The following SPOCK1 variants were observed in gnomAD, a reference collection of about 807,000 sequenced individuals.
The protein encoded by SPOCK1 is SPARC (osteonectin), cwcv and kazal like domains proteoglycan 1, also known as testican-1.
Under a neutral mutation model 55.3 loss-of-function variants are expected in SPOCK1, and 23 were observed. The ratio of observed to expected loss-of-function variants is 0.42; its 90% CI spans 0.30 to 0.59. SPOCK1 has a LOEUF of 0.59. Ranked by LOEUF, SPOCK1 falls within the 20% of genes least tolerant of loss-of-function variation. SPOCK1 has a pLI of 0.22. For synonymous variants in SPOCK1, 226 were observed against 221.0 expected, an observed-to-expected ratio of 1.02 and a Z score of -0.20; for missense variants, 499 against 552.5, an observed-to-expected ratio of 0.90 and a Z score of 0.97.
chr5:137,002,560 A>C (rs1751172208), intron 6 of SPOCK1, among the ~76,000 whole-genome samples: 1 of 152,158 alleles, frequency 6.6e-6, no homozygotes, highest in African/African-American at 2.4e-5. Context: ...CTCCCTAGCC[A>C]GTGGGTCAGC....
chr5:136,979,529 G>A, intron 9 of SPOCK1, 60 bp from the exon 10 acceptor site: 1 of 1,582,942 alleles, frequency 6.3e-7, no homozygotes, highest in Non-Finnish European at 8.6e-7. Context: ...CGGGGTTAAT[G>A]CCCGTCAACA....
At chr5:137,352,109 C>G (rs926435319) in intron 2 of SPOCK1, among the ~76,000 whole-genome samples, 3 of 152,194 alleles carry the variant, frequency 2.0e-5, no homozygotes, top group Admixed American at 1.3e-4. Flanking sequence ...TCTCTTCCCC[C>G]TCATGAGTAA....
intron 3 of SPOCK1, among the ~76,000 whole-genome samples, chr5:137,149,179 C>T (rs187753433): frequency 2.8e-4 from 43 of 152,224 alleles, no homozygotes; most frequent in Middle Eastern, 3.4e-3. Context: ...TGGTTCCTTC[C>T]GTGAGGGGTT....
chr5:137,466,045 A>G (rs1394080432), intron 2 of SPOCK1, among the ~76,000 whole-genome samples: 1 of 152,262 alleles, frequency 6.6e-6, no homozygotes, highest in East Asian at 1.9e-4. Context: ...AGACTTTATT[A>G]CTGGTTTAAA....
chr5:137,118,248 T>A (rs1753625290), intron 4 of SPOCK1, among the ~76,000 whole-genome samples: 1 of 152,214 alleles, frequency 6.6e-6, no homozygotes, highest in Non-Finnish European at 1.5e-5. Context: ...TTCACATTCA[T>A]CTTATTTACA....
At chr5:137,381,193 C>T (rs1207556041) in intron 2 of SPOCK1, among the ~76,000 whole-genome samples, 2 of 152,342 alleles carry the variant, frequency 1.3e-5, no homozygotes, top group Admixed American at 6.5e-5. Context: ...CCAGGCCACA[C>T]TGATTCAAAG....
At chr5:137,412,017 T>G (rs1459953356) in intron 2 of SPOCK1, among the ~76,000 whole-genome samples, 1 of 152,190 alleles carries the variant, frequency 6.6e-6, no homozygotes, top group East Asian at 1.9e-4. Flanking sequence ...TCTAGGACTC[T>G]GATGCAGAGC....
intron 6 of SPOCK1, among the ~76,000 whole-genome samples, chr5:137,059,318 T>A (rs889208562): frequency 6.6e-6 from 1 of 152,204 alleles, no homozygotes; most frequent in Non-Finnish European, 1.5e-5. Context: ...ATATGTATGA[T>A]ATATAAAAGG....
intron 6 of SPOCK1, among the ~76,000 whole-genome samples, chr5:137,024,598 C>G (rs1751635591): frequency 6.7e-6 from 1 of 148,454 alleles, no homozygotes; most frequent in African/African-American, 2.5e-5. Flanking sequence ...GGAAGGGAGC[C>G]ATCTGACATG....
At chr5:137,027,297 AT>A (rs1166712970) in intron 6 of SPOCK1, among the ~76,000 whole-genome samples, 1 of 152,206 alleles carries the variant, frequency 6.6e-6, no homozygotes, top group Non-Finnish European at 1.5e-5. Flanking sequence ...GTAGGCCCCA[AT>A]TTATACAAAT....
chr5:137,498,568 A>G lies in SPOCK1; in HGVS notation c.1-10T>C. On this transcript the variant is annotated splice_polypyrimidine_tract_variant and intron_variant, in intron 1 of 10. Coordinates refer to ENST00000394945, the MANE Select transcript of SPOCK1 (RefSeq NM_004598.4). ...CCGCGATCGCCGGCATCTGCGGGGCAGGGCGCGCAGGGCGATGAGCGAAGA... is the reference window on the plus strand; with the variant it reads ...CCGCGATCGCCGGCATCTGCGGGGCGGGGCGCGCAGGGCGATGAGCGAAGA... 3 of 1,458,402 alleles carry G rather than the reference A, an allele frequency of 2.1e-6. No individual in the cohort carries two copies. The highest frequency in any genetic ancestry group is 2.7e-6 in the Non-Finnish European group (3 of 1,114,020). 90.3% of individuals were successfully genotyped at this position (1,458,402 alleles called of 1,614,324 possible).
intron 4 of SPOCK1, among the ~76,000 whole-genome samples, chr5:137,130,132 G>C (rs1446199811): frequency 1.3e-5 from 2 of 152,192 alleles, no homozygotes; most frequent in African/African-American, 4.8e-5. Context: ...TTCCCTCGCT[G>C]TCATAACCTT....
chr5:137,232,588 A>G (rs1580819854), intron 3 of SPOCK1, among the ~76,000 whole-genome samples: 1 of 152,340 alleles, frequency 6.6e-6, no homozygotes, highest in South Asian at 2.1e-4. Context: ...CTGTAGCTAT[A>G]CAGTAAGCCT....
intron 2 of SPOCK1, among the ~76,000 whole-genome samples, chr5:137,448,852 C>T (rs745936059): frequency 1.2e-4 from 19 of 152,382 alleles, no homozygotes; most frequent in Non-Finnish European, 1.8e-4. Context: ...GCCCTCCCAA[C>T]TTTCCTCCTC....
chr5:137,141,574 A>G (rs1432213784), intron 3 of SPOCK1, among the ~76,000 whole-genome samples: 1 of 152,272 alleles, frequency 6.6e-6, no homozygotes, highest in African/African-American at 2.4e-5. Context: ...AGGCAGAATT[A>G]GATAAGGACC....
At chr5:137,391,296 A>C (rs919934279) in intron 2 of SPOCK1, among the ~76,000 whole-genome samples, 2 of 152,108 alleles carry the variant, frequency 1.3e-5, no homozygotes, top group Admixed American at 1.3e-4. Flanking sequence ...TATCCAGTCT[A>C]TCACTGATGG....
intron 2 of SPOCK1, among the ~76,000 whole-genome samples, chr5:137,464,119 C>G (rs1460917984): frequency 6.6e-6 from 1 of 151,990 alleles, no homozygotes; most frequent in African/African-American, 2.4e-5. Flanking sequence ...GGAAACATGG[C>G]AAAATTCCAT....
At chr5:137,055,788 G>A (rs138362213) in intron 6 of SPOCK1, among the ~76,000 whole-genome samples, 127 of 152,290 alleles carry the variant, frequency 8.3e-4, no homozygotes, top group African/African-American at 3.0e-3. Context: ...TGGGCTGTAG[G>A]GAAAGAACAG....
At chr5:137,276,566 T>C (rs1436391559) in intron 2 of SPOCK1, among the ~76,000 whole-genome samples, 3 of 152,234 alleles carry the variant, frequency 2.0e-5, no homozygotes, top group Non-Finnish European at 4.4e-5. Context: ...TACTCTAACA[T>C]CTACTGAATG....
Sources: allele counts gnomAD v4.1 joint callset (sites outside exome capture counted in the v4.1 genomes callset), GRCh38; gene constraint gnomAD v4.1.1; transcripts MANE v1.5; gene names NCBI Gene and HGNC (gene_info 2026-07-23, HGNC 2026-07-21).